FARP1: variants seen among roughly 807,000 people sequenced by gnomAD.
The protein encoded by FARP1 is FERM, ARH/RhoGEF and pleckstrin domain protein 1, also known as FERM, ARHGEF and pleckstrin domain-containing protein 1.
FARP1 carries 52 observed loss-of-function variants against 128.8 expected under a neutral mutation model. The ratio of observed to expected loss-of-function variants is 0.40; its 90% CI spans 0.32 to 0.51. The LOEUF is 0.51. Ranked by LOEUF, FARP1 falls within the 20% of genes least tolerant of loss-of-function variation. The probability of loss-of-function intolerance (pLI) is 0.45; values close to 1 mark genes in which losing one functional copy is unlikely to be tolerated. For missense variants in FARP1, 1,333 were observed against 1,367.9 expected (o/e 0.97, Z 0.40); for synonymous variants, 580 against 551.8 (o/e 1.05, Z -0.72).
chr13:98,189,337 A>T (rs1879081491), intron 1 of FARP1, among the ~76,000 whole-genome samples: 1 of 151,806 alleles, frequency 6.6e-6, no homozygotes, highest in African/African-American at 2.4e-5. Context: ...TTTAATTTAT[A>T]ATGCATTCTT....
chr13:98,146,273 G>T (rs562959588), intron 1 of FARP1, among the ~76,000 whole-genome samples: 142 of 152,210 alleles, frequency 9.3e-4, no homozygotes, highest in Non-Finnish European at 1.7e-3. Context: ...TTGTTTCCCA[G>T]GCTGGAGTGC....
At chr13:98,169,894 C>A (rs1342058769) in intron 1 of FARP1, among the ~76,000 whole-genome samples, 1 of 151,974 alleles carries the variant, frequency 6.6e-6, no homozygotes, top group Non-Finnish European at 1.5e-5. Flanking sequence ...AAAAATTCTT[C>A]TAAAAAAACT....
chr13:98,380,219 G>C (rs1343484137), intron 6 of FARP1, among the ~76,000 whole-genome samples: 2 of 152,076 alleles, frequency 1.3e-5, no homozygotes, highest in African/African-American at 4.8e-5. Flanking sequence ...GGCCGAGGCG[G>C]GCGGATCACT....
chr13:98,250,622 G>C (rs947119736), intron 2 of FARP1, among the ~76,000 whole-genome samples: 12 of 151,900 alleles, frequency 7.9e-5, no homozygotes. Flanking sequence ...TTGGGAGGCT[G>C]AGGCAGGAGA....
At chr13:98,192,083 AT>A (rs1879266213) in intron 1 of FARP1, among the ~76,000 whole-genome samples, 1 of 83,796 alleles carries the variant, frequency 1.2e-5, no homozygotes, top group Non-Finnish European at 3.1e-5. Flanking sequence ...CAATTTTTAA[AT>A]TCTTTAAAAA....
Position 98,176,649 on chromosome 13 carries a change from G to C in FARP1, c.-24+33157G>C, listed in dbSNP as rs781523845. On this transcript the variant is annotated intron_variant, in intron 1 of 26. Transcript: ENST00000319562. This position sits in a 1 kb window ranked among gnomAD's most constrained non-coding sequence, Gnocchi z 6.2. ...AGAAGCCAGTCTCCTTGTAGTCCTTGCAGATGTCAGGCTGGTAATCCCAGC... is the reference window on the plus strand; with the variant it reads ...AGAAGCCAGTCTCCTTGTAGTCCTTCCAGATGTCAGGCTGGTAATCCCAGC... 6.2e-7 allele frequency: 1 copy of C among 1,614,218 alleles called. No individual in the cohort carries two copies. Among genetic ancestry groups the C allele is most frequent in the Admixed American group, 1.7e-5 (1 of 60,026 alleles).
chr13:98,222,640 TG>T (rs1359584544), intron 2 of FARP1, among the ~76,000 whole-genome samples: 1 of 151,820 alleles, frequency 6.6e-6, no homozygotes, highest in Non-Finnish European at 1.5e-5. Context: ...TTTTGTTTTT[TG>T]AGACGGAGTC....
At chr13:98,372,252 A>C (rs538532470) in intron 5 of FARP1, among the ~76,000 whole-genome samples, 1 of 151,812 alleles carries the variant, frequency 6.6e-6, no homozygotes, top group South Asian at 2.1e-4. Flanking sequence ...ACACCCAGCT[A>C]ATTTTTGTAT....
At chr13:98,446,889 C>T (rs1892878062) in intron 26 of FARP1, 72 bp downstream of exon 26, 30 of 1,540,822 alleles carry the variant, frequency 1.9e-5, no homozygotes, top group South Asian at 5.8e-5. Context: ...GGATTTCTCC[C>T]AAGTCAGCGA....
intron 1 of FARP1, among the ~76,000 whole-genome samples, chr13:98,207,964 A>ACG (rs1880390696): frequency 6.9e-6 from 1 of 145,220 alleles, no homozygotes; most frequent in Non-Finnish European, 1.5e-5. Flanking sequence ...ACACACACAC[A>ACG]CACACTTTGA....
chr13:98,163,472 A>C (rs1877024388), intron 1 of FARP1, among the ~76,000 whole-genome samples: 1 of 152,188 alleles, frequency 6.6e-6, no homozygotes, highest in African/African-American at 2.4e-5. Flanking sequence ...TTAAAAACAA[A>C]AAATTGCCCC....
intron 2 of FARP1, among the ~76,000 whole-genome samples, chr13:98,270,155 G>T (rs573185409): frequency 6.6e-5 from 10 of 152,310 alleles, no homozygotes; most frequent in Middle Eastern, 3.4e-3. Context: ...TGAATACCAA[G>T]AAAATTGTTT....
intron 1 of FARP1, among the ~76,000 whole-genome samples, chr13:98,210,795 C>G (rs750885161): frequency 3.9e-4 from 59 of 152,148 alleles, no homozygotes; most frequent in Non-Finnish European, 7.6e-4. Flanking sequence ...GTGATCTGCC[C>G]GCCTCAGCCT....
intron 3 of FARP1, among the ~76,000 whole-genome samples, chr13:98,364,847 A>G (rs1429134980): frequency 2.6e-5 from 4 of 152,158 alleles, no homozygotes; most frequent in Admixed American, 1.3e-4. Context: ...ACCTGGGGCA[A>G]ATTAGCCTCT....
chr13:98,268,717 C>T (rs1884247919), intron 2 of FARP1, among the ~76,000 whole-genome samples: 1 of 151,682 alleles, frequency 6.6e-6, no homozygotes, highest in Admixed American at 6.6e-5. Flanking sequence ...ATCCTCTTGC[C>T]TTGGCTTGCC....
chr13:98,268,067 A>G (rs1440804788), intron 2 of FARP1, among the ~76,000 whole-genome samples: 1 of 152,222 alleles, frequency 6.6e-6, no homozygotes, highest in Non-Finnish European at 1.5e-5. Flanking sequence ...TTCACGCTGC[A>G]GAACGGAAAC....
intron 1 of FARP1, among the ~76,000 whole-genome samples, chr13:98,169,346 T>G (rs1327505627): frequency 6.6e-6 from 1 of 152,240 alleles, no homozygotes; most frequent in Non-Finnish European, 1.5e-5. Context: ...TTTCATGATT[T>G]ACTGCATTGT....
Position 98,450,466 on chromosome 13 carries a change from T to G in FARP1, c.*2149T>G, listed in dbSNP as rs567835687. The G allele has an allele frequency of 6.6e-6, 1 of 152,322 alleles. No homozygotes were observed. Among genetic ancestry groups the G allele is most frequent in the Non-Finnish European group, 1.5e-5 (1 of 68,060 alleles). 9.4% of individuals were successfully genotyped at this position (152,322 alleles called of 1,614,324 possible). On this transcript the variant is annotated 3_prime_UTR_variant, in exon 27 of 27. Coordinates refer to ENST00000319562, the MANE Select transcript of FARP1 (RefSeq NM_005766.4). ...ATTGGATAAGGAAGGCAGATGCACTTCCAAGAAAATCAGAACCCAGCAAGA... is the reference window on the plus strand; with the variant it reads ...ATTGGATAAGGAAGGCAGATGCACTGCCAAGAAAATCAGAACCCAGCAAGA...
chr13:98,265,915 C>A (rs1490569346), intron 2 of FARP1, among the ~76,000 whole-genome samples: 9 of 152,124 alleles, frequency 5.9e-5, no homozygotes, highest in Admixed American at 1.3e-4. Flanking sequence ...TACGCTGGGA[C>A]TAGTTGATTC....
Sources: allele counts gnomAD v4.1 joint callset (sites outside exome capture counted in the v4.1 genomes callset), GRCh38; gene constraint gnomAD v4.1.1; non-coding constraint Gnocchi (gnomAD v3.1); transcripts MANE v1.5; gene names NCBI Gene and HGNC (gene_info 2026-07-23, HGNC 2026-07-21).